SMAD9: variants seen among roughly 807,000 people sequenced by gnomAD.
SMAD9 encodes MAD homolog 9.
Under a neutral mutation model 46.1 loss-of-function variants are expected in SMAD9, and 36 were observed. The ratio of observed to expected loss-of-function variants is 0.78; its 90% CI spans 0.60 to 1.03. The LOEUF is 1.03. Ranked by LOEUF, SMAD9 falls within the 50% of genes least tolerant of loss-of-function variation. SMAD9 has a pLI of 0.00. For missense variants in SMAD9, 572 were observed against 599.8 expected (o/e 0.95, Z 0.48); for synonymous variants, 245 against 237.1 (o/e 1.03, Z -0.31).
At position 36,852,386 on chromosome 13, in the gene SMAD9, C is replaced by T. The variant is rs563649807; in HGVS notation, c.1260+1033G>A. ...TAAGCCCATATTTTGAAATACTAGA[C>T]TCATTTGCGAGTACTTTGCAACAGA... On this transcript the variant is annotated intron_variant, in intron 6 of 6. Transcript: ENST00000379826. 1.4e-4 allele frequency: 138 copies of T among 985,116 alleles called. 1 individual carries two copies. In the African/African-American group the frequency reaches 2.3e-3, roughly 17 times the overall value. 61.0% of individuals were successfully genotyped at this position (985,116 alleles called of 1,614,324 possible).
At chr13:36,918,833 G>A (rs868323653) in intron 1 of SMAD9, among the ~76,000 whole-genome samples, 4 of 152,212 alleles carry the variant, frequency 2.6e-5, no homozygotes, top group African/African-American at 4.8e-5. Flanking sequence ...CATGCTTGTA[G>A]TAGTCACATT....
intron 6 of SMAD9, chr13:36,849,419 G>C (rs2058057363): frequency 6.6e-6 from 1 of 152,062 alleles, no homozygotes; most frequent in Non-Finnish European, 1.5e-5. Context: ...AAAAATGAAG[G>C]GAGATCACAG....
intron 1 of SMAD9, among the ~76,000 whole-genome samples, chr13:36,906,019 GA>G (rs1433033821): frequency 6.6e-6 from 1 of 151,924 alleles, no homozygotes; most frequent in Non-Finnish European, 1.5e-5. Context: ...TAAATCAAAC[GA>G]AAGTTTTAAA....
chr13:36,904,575 T>C (rs1157554362), intron 1 of SMAD9, among the ~76,000 whole-genome samples: 1 of 152,178 alleles, frequency 6.6e-6, no homozygotes, highest in Non-Finnish European at 1.5e-5. Flanking sequence ...CCTCAGGCAA[T>C]TTATTACCTC....
chr13:36,907,188 G>T (rs1299924756), intron 1 of SMAD9, among the ~76,000 whole-genome samples: 2 of 152,090 alleles, frequency 1.3e-5, no homozygotes, highest in African/African-American at 4.8e-5. Flanking sequence ...TCTAGAATAG[G>T]GAAATTCATA....
At chr13:36,916,435 G>C (rs1330096833) in intron 1 of SMAD9, among the ~76,000 whole-genome samples, 1 of 152,204 alleles carries the variant, frequency 6.6e-6, no homozygotes, top group Non-Finnish European at 1.5e-5. Flanking sequence ...GGGCTGAGGG[G>C]ATTTCAGGCC....
At chr13:36,896,044 G>A (rs1275486202) in intron 1 of SMAD9, among the ~76,000 whole-genome samples, 4 of 152,048 alleles carry the variant, frequency 2.6e-5, no homozygotes, top group Admixed American at 1.3e-4. Flanking sequence ...TGTAAAAGGC[G>A]GAAAATTAAC....
At chr13:36,881,421 C>A (rs558000024) in intron 1 of SMAD9, among the ~76,000 whole-genome samples, 1 of 152,292 alleles carries the variant, frequency 6.6e-6, no homozygotes. Context: ...CAAGCTGTAC[C>A]TTTCTGAGTC....
intron 1 of SMAD9, among the ~76,000 whole-genome samples, chr13:36,887,052 T>TTG (rs1555242581): frequency 7.8e-5 from 11 of 141,702 alleles, no homozygotes; most frequent in African/African-American, 1.8e-4. Flanking sequence ...TTTTTTTTTT[T>TTG]TTTTTTTTTT....
At chr13:36,865,482 C>G in intron 5 of SMAD9, 55 bp downstream of exon 5, 2 of 1,454,486 alleles carry the variant, frequency 1.4e-6, no homozygotes, top group Non-Finnish European at 1.9e-6. Flanking sequence ...CTTCTACACA[C>G]ATGACCATCT....
intron 1 of SMAD9, among the ~76,000 whole-genome samples, chr13:36,900,840 C>CA (rs1449940695): frequency 3.3e-5 from 5 of 152,288 alleles, no homozygotes; most frequent in African/African-American, 1.2e-4. Context: ...TGTTCACAAT[C>CA]ACAGTGTTAT....
chr13:36,879,993 GC>G (rs1268996090), intron 1 of SMAD9, 118 bp from the exon 2 acceptor site: 2 of 412,398 alleles, frequency 4.8e-6, no homozygotes, highest in African/African-American at 4.0e-5. Context: ...TGGGTGAATG[GC>G]TCGAGCCCAG....
intron 4 of SMAD9, among the ~76,000 whole-genome samples, chr13:36,866,207 T>A (rs1050357278): frequency 2.6e-5 from 4 of 151,928 alleles, no homozygotes; most frequent in African/African-American, 9.7e-5. Context: ...TCTAACAAAC[T>A]AGAGATGGAA....
chr13:36,904,099 T>C (rs944018455), intron 1 of SMAD9, among the ~76,000 whole-genome samples: 9 of 152,194 alleles, frequency 5.9e-5, no homozygotes, highest in Admixed American at 1.3e-4. Context: ...TTAAGCAATA[T>C]ATTGCCGCTC....
chr13:36,915,457 T>C (rs563661296), intron 1 of SMAD9, among the ~76,000 whole-genome samples: 9 of 152,226 alleles, frequency 5.9e-5, no homozygotes, highest in South Asian at 4.2e-4. Flanking sequence ...TGATCAGATA[T>C]TAAGTATTAA....
At chr13:36,865,250 T>C (rs2058220968) in intron 5 of SMAD9, among the ~76,000 whole-genome samples, 1 of 152,222 alleles carries the variant, frequency 6.6e-6, no homozygotes, top group South Asian at 2.1e-4. Context: ...TATTTAATAA[T>C]TTCATCCGGC....
chr13:36,888,623 A>G (rs2058466772), intron 1 of SMAD9, among the ~76,000 whole-genome samples: 1 of 152,170 alleles, frequency 6.6e-6, no homozygotes, highest in Admixed American at 6.5e-5. Context: ...ATGCAAAAAT[A>G]TCACTGCAAT....
chr13:36,860,510 C>A (rs946236220), intron 5 of SMAD9, among the ~76,000 whole-genome samples: 3 of 148,432 alleles, frequency 2.0e-5, no homozygotes, highest in African/African-American at 7.5e-5. Flanking sequence ...AGTGCAGTGG[C>A]ACCAACTCGG....
Position 36,865,150 on chromosome 13 carries a change from A to G in SMAD9, c.1003+387T>C, listed in dbSNP as rs554390582. On this transcript the variant is annotated intron_variant, in intron 5 of 6. Transcript: ENST00000379826. ...GTCTCCAAAGGGAACTTCACCTGAT[A>G]CAAATAATCATCTAGTCAGAATTCC... Among the ~76,000 whole-genome samples, 22 of 152,362 alleles carry G rather than the reference A, an allele frequency of 1.4e-4. No homozygotes were observed. The South Asian group carries it at 1.4e-3, about 10-fold the overall frequency.
Sources: allele counts gnomAD v4.1 joint callset (sites outside exome capture counted in the v4.1 genomes callset), GRCh38; gene constraint gnomAD v4.1.1; transcripts MANE v1.5; gene names NCBI Gene and HGNC (gene_info 2026-07-23, HGNC 2026-07-21).